The following CACNA1D variants were observed in gnomAD, a reference collection of about 807,000 sequenced individuals.
CACNA1D encodes the protein voltage-dependent L-type calcium channel subunit alpha-1D.
Under a neutral mutation model 257.1 loss-of-function variants are expected in CACNA1D, and 55 were observed. The observed-to-expected ratio is 0.21, with a 90% CI of 0.17 to 0.27. The LOEUF (loss-of-function observed/expected upper bound fraction) is 0.27. Ranked by LOEUF, CACNA1D falls within the 10% of genes least tolerant of loss-of-function variation. The pLI is 1.00. For synonymous variants in CACNA1D, 980 were observed against 1,014.9 expected (o/e 0.97, Z 0.65); for missense variants, 1,876 against 2,784.0 (o/e 0.67, Z 7.34).
At chr3:53,524,224 G>C (rs1454414610) in intron 3 of CACNA1D, among the ~76,000 whole-genome samples, 1 of 152,210 alleles carries the variant, frequency 6.6e-6, no homozygotes, top group African/African-American at 2.4e-5. Context: ...ACTTTTTCCT[G>C]AATTGGGCAG....
chr3:53,693,954 A>T (rs115795878), intron 8 of CACNA1D, among the ~76,000 whole-genome samples: 2,381 of 152,324 alleles, frequency 0.016, 15 homozygotes, highest in Non-Finnish European at 0.025. Flanking sequence ...CTAAATCAAG[A>T]TGACTTCCAG....
At chr3:53,707,256 C>A (rs1304351323) in intron 9 of CACNA1D, among the ~76,000 whole-genome samples, 1 of 152,134 alleles carries the variant, frequency 6.6e-6, no homozygotes, top group East Asian at 1.9e-4. Flanking sequence ...TGCCATACTC[C>A]ACCCTCTAAG....
chr3:53,579,443 T>C (rs913522645), intron 3 of CACNA1D, among the ~76,000 whole-genome samples: 1 of 152,216 alleles, frequency 6.6e-6, no homozygotes, highest in South Asian at 2.1e-4. Context: ...CAGTTAAAGA[T>C]GCCTCATATA....
intron 4 of CACNA1D, among the ~76,000 whole-genome samples, chr3:53,655,145 A>G (rs1478333102): frequency 6.6e-6 from 1 of 152,100 alleles, no homozygotes; most frequent in African/African-American, 2.4e-5. Flanking sequence ...AAAAGAAATG[A>G]TCTTGTCCTT....
intron 9 of CACNA1D, among the ~76,000 whole-genome samples, chr3:53,710,161 T>C (rs1310177260): frequency 1.3e-5 from 2 of 152,334 alleles, no homozygotes; most frequent in East Asian, 3.9e-4. Context: ...TAGCTGGTTG[T>C]TGATTTAGAA....
chr3:53,689,173 G>A (rs1178235462), intron 8 of CACNA1D, among the ~76,000 whole-genome samples: 1 of 152,182 alleles, frequency 6.6e-6, no homozygotes, highest in Non-Finnish European at 1.5e-5. Context: ...GGATGGACAG[G>A]ATTCGTTAGG....
intron 3 of CACNA1D, among the ~76,000 whole-genome samples, chr3:53,649,489 A>G (rs1265552020): frequency 6.6e-6 from 1 of 152,098 alleles, no homozygotes. Flanking sequence ...CTCTTGAGAA[A>G]TTCTCTGTGT....
chr3:53,770,657 T>C, intron 32 of CACNA1D, 105 bp downstream of exon 32: 1 of 1,024,762 alleles, frequency 9.8e-7, no homozygotes, highest in Non-Finnish European at 1.5e-6. Flanking sequence ...GTGGCCACTC[T>C]GTGGACCTAA....
intron 30 of CACNA1D, among the ~76,000 whole-genome samples, chr3:53,764,227 C>T (rs1456385068): frequency 6.6e-6 from 1 of 152,210 alleles, no homozygotes; most frequent in Non-Finnish European, 1.5e-5. Context: ...GTAAAATAAG[C>T]TGGTGCTAAT....
At chr3:53,711,335 GA>G (rs2094753097) in intron 9 of CACNA1D, among the ~76,000 whole-genome samples, 2 of 152,208 alleles carry the variant, frequency 1.3e-5, no homozygotes, top group South Asian at 4.1e-4. Flanking sequence ...GCTCGTGTGG[GA>G]AAGTTATATT....
intron 3 of CACNA1D, among the ~76,000 whole-genome samples, chr3:53,560,167 A>G (rs925396911): frequency 6.6e-6 from 1 of 150,614 alleles, no homozygotes; most frequent in Non-Finnish European, 1.5e-5. Flanking sequence ...GCTGCCTTTG[A>G]ATCCAGACTG....
At chr3:53,740,213 T>C in intron 20 of CACNA1D, 67 bp from the exon 21 acceptor site, 1 of 1,139,828 alleles carries the variant, frequency 8.8e-7, no homozygotes, top group Non-Finnish European at 1.3e-6. Context: ...GGTTTCTGCC[T>C]GTAAGCATGC....
chr3:53,708,698 T>G (rs1018704648), intron 9 of CACNA1D, among the ~76,000 whole-genome samples: 1 of 152,248 alleles, frequency 6.6e-6, no homozygotes, highest in African/African-American at 2.4e-5. Flanking sequence ...TTTAATACAT[T>G]TTAATTATGG....
At chr3:53,760,568 T>G (rs2095295488) in intron 29 of CACNA1D, among the ~76,000 whole-genome samples, 1 of 152,216 alleles carries the variant, frequency 6.6e-6, no homozygotes, top group South Asian at 2.1e-4. Flanking sequence ...CCGTTGCCTC[T>G]TTGGCTGTCT....
chr3:53,749,617 C>A, intron 27 of CACNA1D, 148 bp downstream of exon 27: 1 of 679,128 alleles, frequency 1.5e-6, no homozygotes, highest in Admixed American at 2.2e-5. Flanking sequence ...CACCCTCAGC[C>A]CATTTGAGTC....
intron 2 of CACNA1D, among the ~76,000 whole-genome samples, chr3:53,497,885 T>C (rs1346515350): frequency 6.6e-6 from 1 of 152,238 alleles, no homozygotes; most frequent in Non-Finnish European, 1.5e-5. Context: ...TTGAAGGGAA[T>C]ACATTTTTGA....
At chr3:53,746,234 A>G (rs1416120214) in intron 25 of CACNA1D, among the ~76,000 whole-genome samples, 6 of 152,180 alleles carry the variant, frequency 3.9e-5, no homozygotes, top group Admixed American at 1.3e-4. Context: ...AAATGCCCCA[A>G]ATAGCTTCCA....
chr3:53,535,034 C>T (rs555755816), intron 3 of CACNA1D, among the ~76,000 whole-genome samples: 38 of 152,278 alleles, frequency 2.5e-4, no homozygotes, highest in Non-Finnish European at 4.9e-4. Context: ...TTTTCCTCTC[C>T]GTAAACCCCA....
chr3:53,742,420 T>C (rs1194007092), intron 21 of CACNA1D, among the ~76,000 whole-genome samples: 1 of 152,220 alleles, frequency 6.6e-6, no homozygotes, highest in Non-Finnish European at 1.5e-5. Flanking sequence ...TGAGACTGGC[T>C]CAGGTGAGAT....
Sources: gnomAD v4.1 joint callset for allele counts (sites outside exome capture counted in the v4.1 genomes callset) on GRCh38, gnomAD v4.1.1 for gene constraint, MANE v1.5 for transcripts, NCBI Gene and HGNC (gene_info 2026-07-23, HGNC 2026-07-21) for gene names.